The following DIP2C variants were observed in gnomAD, a reference collection of about 807,000 sequenced individuals.
DIP2C encodes disco-interacting protein 2 homolog C.
A neutral mutation model predicts 192.4 loss-of-function variants in DIP2C; 33 were observed. The observed-to-expected ratio is 0.17, with a 90% CI of 0.13 to 0.23. DIP2C has a LOEUF of 0.23. Among genes scored for constraint, DIP2C ranks in the 10% least tolerant of loss-of-function variants. DIP2C has a pLI of 1.00. For synonymous variants in DIP2C, 979 were observed against 864.1 expected, an observed-to-expected ratio of 1.13 and a Z score of -2.33; for missense variants, 1,537 against 2,110.1, an observed-to-expected ratio of 0.73 and a Z score of 5.32.
chr10:600,265 G>T (rs909466641), intron 1 of DIP2C, among the ~76,000 whole-genome samples: 2 of 152,140 alleles, frequency 1.3e-5, no homozygotes, highest in Admixed American at 6.5e-5. Flanking sequence ...AGTCACTGCC[G>T]CTGCCTTGCC....
intron 3 of DIP2C, among the ~76,000 whole-genome samples, chr10:444,921 A>C (rs778876593): frequency 1.3e-5 from 2 of 152,160 alleles, no homozygotes; most frequent in East Asian, 1.9e-4. Flanking sequence ...ACACATTTTC[A>C]TCTCTCCTTG....
intron 1 of DIP2C, among the ~76,000 whole-genome samples, chr10:516,149 G>A (rs1209775420): frequency 1.3e-5 from 2 of 148,514 alleles, no homozygotes; most frequent in Non-Finnish European, 3.0e-5. Context: ...TCCTGTTATG[G>A]GATGAGGGTG....
At chr10:503,053 C>G (rs1308467422) in intron 1 of DIP2C, among the ~76,000 whole-genome samples, 1 of 151,882 alleles carries the variant, frequency 6.6e-6, no homozygotes, top group Non-Finnish European at 1.5e-5. Flanking sequence ...GGACTTACCA[C>G]AATTCCAACA....
intron 1 of DIP2C, among the ~76,000 whole-genome samples, chr10:586,181 A>AAT (rs575235347): frequency 1.3e-3 from 191 of 152,240 alleles, no homozygotes; most frequent in African/African-American, 4.3e-3. Context: ...TGGGAGAGAG[A>AAT]ATTAAATTGT....
chr10:477,638 G>A (rs1433270953), intron 2 of DIP2C, among the ~76,000 whole-genome samples: 1 of 134,660 alleles, frequency 7.4e-6, no homozygotes, highest in African/African-American at 2.7e-5. Context: ...ATGGGTGGGA[G>A]GAAGAGAAGA....
chr10:350,632 ATTTTTTTTTTTT>A (rs56171130), intron 24 of DIP2C, among the ~76,000 whole-genome samples: 4 of 84,220 alleles, frequency 4.7e-5, no homozygotes, highest in African/African-American at 1.4e-4. Flanking sequence ...GGGCTCAGGA[ATTTTTTTTTTTT>A]TTTTTTTTTT....
chr10:456,830 G>C (rs918247419), intron 3 of DIP2C, among the ~76,000 whole-genome samples: 9 of 152,218 alleles, frequency 5.9e-5, no homozygotes, highest in African/African-American at 1.2e-4. Flanking sequence ...GAGGTGTGGA[G>C]AGTTGTGCAA....
intron 24 of DIP2C, among the ~76,000 whole-genome samples, chr10:352,082 C>T (rs1183815910): frequency 6.6e-6 from 1 of 152,266 alleles, no homozygotes; most frequent in African/African-American, 2.4e-5. Flanking sequence ...CTGCCTGCAG[C>T]AGCAGTGCCC....
chr10:308,794 G>C (rs543283550), intron 32 of DIP2C, among the ~76,000 whole-genome samples: 1 of 152,270 alleles, frequency 6.6e-6, no homozygotes, highest in South Asian at 2.1e-4. Flanking sequence ...GGGCCTGATG[G>C]AAGAGCCACA....
intron 24 of DIP2C, among the ~76,000 whole-genome samples, chr10:351,772 T>G (rs773864792): frequency 6.6e-6 from 1 of 152,128 alleles, no homozygotes; most frequent in Non-Finnish European, 1.5e-5. Flanking sequence ...CATTTACTCT[T>G]AGAGGGGCTC....
intron 1 of DIP2C, among the ~76,000 whole-genome samples, chr10:614,132 C>A (rs1367886451): frequency 1.3e-5 from 2 of 152,242 alleles, no homozygotes; most frequent in Non-Finnish European, 2.9e-5. Flanking sequence ...ATTCTCTTTG[C>A]CATGCACACA....
chr10:628,261 T>C (rs1279632998), intron 1 of DIP2C, among the ~76,000 whole-genome samples: 1 of 152,240 alleles, frequency 6.6e-6, no homozygotes, highest in Non-Finnish European at 1.5e-5. Flanking sequence ...CAGTGTTCCA[T>C]AAATCAGCCA....
chr10:513,562 G>A (rs968395400), intron 1 of DIP2C, among the ~76,000 whole-genome samples: 1 of 151,962 alleles, frequency 6.6e-6, no homozygotes, highest in Non-Finnish European at 1.5e-5. Flanking sequence ...GTGCCACACC[G>A]CGGTCCACTG....
At chr10:478,706 T>TCCGGG (rs1843363067) in intron 2 of DIP2C, among the ~76,000 whole-genome samples, 1 of 141,188 alleles carries the variant, frequency 7.1e-6, no homozygotes, top group African/African-American at 2.7e-5. Flanking sequence ...CTCACTCATC[T>TCCGGG]CGTGTCCGGG....
intron 29 of DIP2C, among the ~76,000 whole-genome samples, chr10:330,208 A>G (rs549863237): frequency 1.3e-5 from 2 of 152,236 alleles, no homozygotes; most frequent in Non-Finnish European, 2.9e-5. Flanking sequence ...AATTAAAGTT[A>G]GTCACTCAAT....
intron 1 of DIP2C, among the ~76,000 whole-genome samples, chr10:564,652 GA>G (rs1253289205): frequency 2.4e-4 from 36 of 152,104 alleles, no homozygotes; most frequent in Non-Finnish European, 1.3e-4. Context: ...TGAGGTAAAA[GA>G]AGTTCCCTCC....
At chr10:583,138 T>C (rs1850771511) in intron 1 of DIP2C, among the ~76,000 whole-genome samples, 1 of 152,144 alleles carries the variant, frequency 6.6e-6, no homozygotes, top group African/African-American at 2.4e-5. Context: ...CATGAGCATA[T>C]CTCCTCCAAT....
intron 1 of DIP2C, among the ~76,000 whole-genome samples, chr10:568,031 A>C (rs892859669): frequency 5.9e-5 from 9 of 152,202 alleles, no homozygotes. Flanking sequence ...GAAGCATCAC[A>C]GCAAGGGCAG....
At chr10:520,794 C>A (rs1013928001) in intron 1 of DIP2C, among the ~76,000 whole-genome samples, 1 of 152,218 alleles carries the variant, frequency 6.6e-6, no homozygotes, top group Non-Finnish European at 1.5e-5. Flanking sequence ...AATTTGTCTT[C>A]TCAGAAAAAG....
Sources: gnomAD v4.1 joint callset for allele counts (sites outside exome capture counted in the v4.1 genomes callset) on GRCh38, gnomAD v4.1.1 for gene constraint, MANE v1.5 for transcripts, NCBI Gene and HGNC (gene_info 2026-07-23, HGNC 2026-07-21) for gene names.